Variants in OSBPL5 observed in about 807,000 individuals in gnomAD.
The protein encoded by OSBPL5 is oxysterol binding protein like 5.
A neutral mutation model predicts 111.2 loss-of-function variants in OSBPL5; 71 were observed. That is an observed-to-expected ratio of 0.64 (90% confidence interval 0.53 to 0.78). The LOEUF (loss-of-function observed/expected upper bound fraction) is 0.78, where lower values mean the gene tolerates loss of function less well. Among genes scored for constraint, OSBPL5 ranks in the 30% least tolerant of loss-of-function variants. The pLI is 0.00. For synonymous variants in OSBPL5, 549 were observed against 513.9 expected (o/e 1.07, Z -0.93); for missense variants, 1,210 against 1,189.3 (o/e 1.02, Z -0.26).
chr11:3,155,473 TC>T (rs1292777722), intron 1 of OSBPL5, among the ~76,000 whole-genome samples: 2 of 125,164 alleles, frequency 1.6e-5, no homozygotes, highest in South Asian at 2.7e-4. Context: ...TGCCACTCAC[TC>T]CCCCCAGCTT....
chr11:3,162,717 G>A lies in OSBPL5; in HGVS notation c.-22+2499C>T, dbSNP rs918984254. Among the ~76,000 whole-genome samples, 2 of 152,022 alleles carry A rather than the reference G, an allele frequency of 1.3e-5. No homozygotes were observed. The highest frequency in any genetic ancestry group is 2.1e-4 in the South Asian group (1 of 4,818). On this transcript the variant is annotated intron_variant, in intron 1 of 21. Transcript: ENST00000263650. This position sits in a 1 kb window ranked among gnomAD's most constrained non-coding sequence, Gnocchi z 8.1. ...CCTTTAAAAATCTTGACCAGCCCAG[G>A]AGCCCCATCCTCAGGCTGTCAGTTG...
intron 10 of OSBPL5, among the ~76,000 whole-genome samples, chr11:3,103,749 T>C (rs61870197): frequency 0.37 from 16,256 of 44,208 alleles, 1,797 homozygotes; most frequent in Admixed American, 0.45. Context: ...TCTGCAACCC[T>C]CTTCCAGCTC....
In OSBPL5 at chr11:3,092,866, C is replaced by T. The variant is rs1364127189; in HGVS notation, c.2132+1G>A. On this transcript the variant is annotated splice_donor_variant, in intron 18 of 21. Coordinates refer to ENST00000263650, the MANE Select transcript of OSBPL5 (RefSeq NM_020896.4). LOFTEE classifies it high-confidence loss of function. The surrounding 1 kb of genome is among the most constrained non-coding windows in gnomAD (Gnocchi z 5.4). Reference sequence around the variant, plus strand: ...GCCCCCAGGGCTTTGTCGGCACTCACTCCTCGTATCGGTAGTGCCACTCCT... The same window carrying T: ...GCCCCCAGGGCTTTGTCGGCACTCATTCCTCGTATCGGTAGTGCCACTCCT... 6.5e-7 allele frequency: 1 copy of T among 1,532,838 alleles called. No individual in the cohort carries two copies. The highest frequency in any genetic ancestry group is 1.2e-5 in the South Asian group (1 of 82,002). 95.0% of individuals were successfully genotyped at this position (1,532,838 alleles called of 1,614,324 possible).
At chr11:3,118,734 G>T (rs992816846) in intron 7 of OSBPL5, among the ~76,000 whole-genome samples, 1 of 152,110 alleles carries the variant, frequency 6.6e-6, no homozygotes, top group East Asian at 1.9e-4. Context: ...ACCATGCCCA[G>T]CTAATTTTGT....
rs1383191259 is a variant in OSBPL5, at chr11:3,126,217, T to C, written c.219+256A>G. On this transcript the variant is annotated intron_variant, in intron 3 of 21. Coordinates refer to ENST00000263650, the MANE Select transcript of OSBPL5 (RefSeq NM_020896.4). This position sits in a 1 kb window ranked among gnomAD's most constrained non-coding sequence, Gnocchi z 6.5. ...ACTCTAGGTTTATACCTGAGAGAAC[T>C]GAAAACTGATAGTCAAATACACGTG... Among the ~76,000 whole-genome samples the C allele has an allele frequency of 2.6e-5, 4 of 152,236 alleles. No homozygotes were observed. The highest frequency in any genetic ancestry group is 4.8e-5 in the African/African-American group (2 of 41,462).
chr11:3,147,190 G>A (rs891367158), intron 1 of OSBPL5, among the ~76,000 whole-genome samples: 1 of 152,228 alleles, frequency 6.6e-6, no homozygotes, highest in African/African-American at 2.4e-5. Context: ...CTGGACTTGG[G>A]ACTCCTGCTC....
In OSBPL5 at chr11:3,161,668, C is replaced by T. The variant is rs542986222; in HGVS notation, c.-22+3548G>A. 3.3e-5 allele frequency among the ~76,000 whole-genome samples: 5 copies of T among 151,504 alleles called. No homozygotes were observed. The highest frequency in any genetic ancestry group is 7.4e-5 in the Non-Finnish European group (5 of 67,874). ...GGACAGATGCCACGCACCAGCGGCG[C>T]CCACCATGAACCTGGCTTGGCCCAA... On this transcript the variant is annotated intron_variant, in intron 1 of 21. Transcript: ENST00000263650. The surrounding 1 kb of genome is among the most constrained non-coding windows in gnomAD (Gnocchi z 8.0).
chr11:3,111,349 A>AT lies in OSBPL5; in HGVS notation c.692-3405dup, dbSNP rs1029556082. Among the ~76,000 whole-genome samples, 343 of 148,194 alleles carry AT rather than the reference A, an allele frequency of 2.3e-3. 1 individual carries two copies. Among genetic ancestry groups the AT allele is most frequent in the Middle Eastern group, 0.017 (5 of 286 alleles). ...AGCTTGCTTCCAACAGGGAAGATGA[A>AT]TTTTTTTTTTTTCCTGCTCCCAGGA... On this transcript the variant is annotated intron_variant, in intron 7 of 21. Transcript: ENST00000263650.
intron 19 of OSBPL5, 59 bp from the exon 20 acceptor site, chr11:3,090,755 A>C: frequency 6.5e-7 from 1 of 1,537,786 alleles, no homozygotes; most frequent in Non-Finnish European, 8.8e-7. Context: ...CCCAGGCCCC[A>C]GGGACATGGT....
At chr11:3,150,254 CG>C (rs1167282327) in intron 1 of OSBPL5, among the ~76,000 whole-genome samples, 1 of 152,128 alleles carries the variant, frequency 6.6e-6, no homozygotes, top group Non-Finnish European at 1.5e-5. Context: ...CCCAAGTCCC[CG>C]GGGGGAGCAG....
chr11:3,093,972 C>T (rs541423345), intron 15 of OSBPL5, 137 bp from the exon 16 acceptor site: 13 of 1,090,908 alleles, frequency 1.2e-5, no homozygotes, highest in African/African-American at 3.1e-5. Flanking sequence ...CCCTCGCCAA[C>T]GAGGCCTTCG....
chr11:3,131,695 C>CATCT (rs1409574171), intron 1 of OSBPL5, among the ~76,000 whole-genome samples: 3 of 134,232 alleles, frequency 2.2e-5, no homozygotes, highest in Non-Finnish European at 3.2e-5. Context: ...CCCACCCATT[C>CATCT]ATCTATCCAT....
intron 11 of OSBPL5, 85 bp from the exon 12 acceptor site, chr11:3,102,366 C>T (rs1180204402): frequency 7.6e-7 from 1 of 1,312,650 alleles, no homozygotes; most frequent in African/African-American, 1.5e-5. Flanking sequence ...GACGGAGGGG[C>T]AGCGTGGGTG....
chr11:3,132,851 A>C (rs1471366109), intron 1 of OSBPL5, among the ~76,000 whole-genome samples: 1 of 152,200 alleles, frequency 6.6e-6, no homozygotes, highest in East Asian at 1.9e-4. Context: ...GGGTCTGATC[A>C]TGGCTCTGTC....
chr11:3,156,021 C>T (rs949056075), intron 1 of OSBPL5, among the ~76,000 whole-genome samples: 2 of 152,224 alleles, frequency 1.3e-5, no homozygotes, highest in African/African-American at 4.8e-5. Flanking sequence ...TGGTGTGTCC[C>T]CTGGGGGCCA....
chr11:3,137,210 G>A (rs1845972303), intron 1 of OSBPL5, among the ~76,000 whole-genome samples: 1 of 152,234 alleles, frequency 6.6e-6, no homozygotes, highest in Non-Finnish European at 1.5e-5. Context: ...CTCCCTGAGA[G>A]CAGACAGCAG....
chr11:3,109,967 T>G lies in OSBPL5; in HGVS notation c.692-2022A>C, dbSNP rs1398433992. On this transcript the variant is annotated intron_variant, in intron 7 of 21. Transcript: ENST00000263650. The surrounding 1 kb of genome is among the most constrained non-coding windows in gnomAD (Gnocchi z 7.4). Reference sequence around the variant, plus strand: ...CCCTATCAGGGGCTCAGCTCACACCTCAGCCCAACCTGCCTTATCTGATGG... The same window carrying G: ...CCCTATCAGGGGCTCAGCTCACACCGCAGCCCAACCTGCCTTATCTGATGG... Among the ~76,000 whole-genome samples the G allele has an allele frequency of 6.6e-6, 1 of 152,054 alleles. No homozygotes were observed. The highest frequency in any genetic ancestry group is 1.5e-5 in the Non-Finnish European group (1 of 68,008).
intron 1 of OSBPL5, among the ~76,000 whole-genome samples, chr11:3,134,311 C>T (rs1845892699): frequency 6.6e-6 from 1 of 152,244 alleles, no homozygotes; most frequent in Non-Finnish European, 1.5e-5. Flanking sequence ...GGCCACCCAG[C>T]AGGCACGACT....
intron 7 of OSBPL5, among the ~76,000 whole-genome samples, chr11:3,111,985 A>G (rs1213538162): frequency 1.6e-4 from 20 of 126,852 alleles, no homozygotes; most frequent in Admixed American, 1.3e-3. Flanking sequence ...GTGTGCGCGC[A>G]TGTGTGTGCA....
Sources: allele counts gnomAD v4.1 joint callset (sites outside exome capture counted in the v4.1 genomes callset), GRCh38; gene constraint gnomAD v4.1.1; non-coding constraint Gnocchi (gnomAD v3.1); transcripts MANE v1.5; gene names NCBI Gene and HGNC (gene_info 2026-07-23, HGNC 2026-07-21).